The following CNTNAP5 variants were observed in gnomAD, a reference collection of about 807,000 sequenced individuals.
The protein encoded by CNTNAP5 is contactin-associated protein-like 5.
Under a neutral mutation model 150.2 loss-of-function variants are expected in CNTNAP5, and 72 were observed. The ratio of observed to expected loss-of-function variants is 0.48; its 90% confidence interval spans 0.40 to 0.58. The LOEUF is 0.58. Among genes scored for constraint, CNTNAP5 ranks in the 20% least tolerant of loss-of-function variants. CNTNAP5 has a pLI of 0.00. For missense variants in CNTNAP5, 1,636 were observed against 1,626.2 expected, an observed-to-expected ratio of 1.01 and a Z score of -0.10; for synonymous variants, 672 against 619.8, an observed-to-expected ratio of 1.08 and a Z score of -1.25.
At chr2:124,037,334 T>A (rs1450930496) in intron 1 of CNTNAP5, among the ~76,000 whole-genome samples, 1 of 152,214 alleles carries the variant, frequency 6.6e-6, no homozygotes, top group Non-Finnish European at 1.5e-5. Context: ...TAAAGAATAC[T>A]GCAGCCCTAG....
chr2:124,082,772 T>G (rs1187938153), intron 1 of CNTNAP5, among the ~76,000 whole-genome samples: 1 of 152,220 alleles, frequency 6.6e-6, no homozygotes, highest in African/African-American at 2.4e-5. Flanking sequence ...CTACCAGCAA[T>G]GTATGAATGA....
intron 7 of CNTNAP5, among the ~76,000 whole-genome samples, chr2:124,476,057 C>T: frequency 6.6e-6 from 1 of 152,058 alleles, no homozygotes; most frequent in African/African-American, 2.4e-5. Context: ...TTTCTGTAGA[C>T]ATTATATTAT....
chr2:124,355,439 A>T (rs1469607905), intron 3 of CNTNAP5, among the ~76,000 whole-genome samples: 1 of 152,114 alleles, frequency 6.6e-6, no homozygotes, highest in African/African-American at 2.4e-5. Context: ...TGTGGAATGG[A>T]GCAGAGCTGG....
chr2:124,348,835 A>G (rs910921872), intron 3 of CNTNAP5, among the ~76,000 whole-genome samples: 6 of 152,162 alleles, frequency 3.9e-5, no homozygotes, highest in Admixed American at 1.3e-4. Context: ...TTGTGTGTAC[A>G]TGAGTGCATA....
Position 124,154,018 on chromosome 2 carries a change from C to T in CNTNAP5, c.83-67687C>T, listed in dbSNP as rs537244264. On this transcript the variant is annotated intron_variant, in intron 1 of 23. Transcript: ENST00000682447. ...AAGGCTTCATCTCCATATGCCATCCCAGCGGAGATTGGCTTTCAACATATG... is the reference window on the plus strand; with the variant it reads ...AAGGCTTCATCTCCATATGCCATCCTAGCGGAGATTGGCTTTCAACATATG... Among the ~76,000 whole-genome samples, 194 of 152,232 alleles carry T rather than the reference C, an allele frequency of 1.3e-3. 2 individuals are homozygous for T. The highest frequency in any genetic ancestry group is 3.7e-3 in the Admixed American group (56 of 15,282).
chr2:124,762,388 G>C (rs1370889988), intron 14 of CNTNAP5, among the ~76,000 whole-genome samples: 1 of 151,998 alleles, frequency 6.6e-6, no homozygotes, highest in East Asian at 1.9e-4. Flanking sequence ...TCTACATGTG[G>C]TGTGTAATAT....
At chr2:124,299,778 T>C (rs1688530533) in intron 3 of CNTNAP5, among the ~76,000 whole-genome samples, 1 of 152,220 alleles carries the variant, frequency 6.6e-6, no homozygotes, top group Admixed American at 6.5e-5. Flanking sequence ...AATGTATTTC[T>C]CACATTATAA....
At chr2:124,687,660 C>T (rs148847490) in intron 13 of CNTNAP5, among the ~76,000 whole-genome samples, 139 of 152,054 alleles carry the variant, frequency 9.1e-4, no homozygotes, top group African/African-American at 3.0e-3. Flanking sequence ...GAAACTTGTA[C>T]GTGGCAAGTA....
intron 3 of CNTNAP5, among the ~76,000 whole-genome samples, chr2:124,356,321 T>A (rs954749435): frequency 1.6e-4 from 24 of 151,792 alleles, no homozygotes; most frequent in Non-Finnish European, 2.5e-4. Context: ...TTTTTTTTTT[T>A]TATACTTTAG....
chr2:124,540,726 CT>C (rs1178785656), intron 10 of CNTNAP5, among the ~76,000 whole-genome samples: 2 of 152,038 alleles, frequency 1.3e-5, no homozygotes, highest in Non-Finnish European at 2.9e-5. Flanking sequence ...TGTTTGGAAC[CT>C]TTCTGCTGTG....
chr2:124,609,538 G>T (rs1677330542), intron 11 of CNTNAP5, among the ~76,000 whole-genome samples: 1 of 152,080 alleles, frequency 6.6e-6, no homozygotes, highest in South Asian at 2.1e-4. Flanking sequence ...GCTGCAATGT[G>T]CCGTGAGCCG....
Position 124,474,966 on chromosome 2 carries a change from T to C in CNTNAP5, c.1062+84T>C, listed in dbSNP as rs940558914. On this transcript the variant is annotated intron_variant, in intron 7 of 23. Coordinates refer to ENST00000682447, the MANE Select transcript of CNTNAP5 (RefSeq NM_001367498.1). ...TTTCACCAGCCCATTCCTGAACCCA[T>C]TCGTAATGTGTTTATCTTATGCTCT... 5.0e-6 allele frequency: 6 copies of C among 1,195,512 alleles called. No homozygotes were observed. In the East Asian group the frequency reaches 1.6e-4, roughly 31 times the overall value. 74.1% of individuals were successfully genotyped at this position (1,195,512 alleles called of 1,614,324 possible).
intron 1 of CNTNAP5, among the ~76,000 whole-genome samples, chr2:124,159,560 A>C (rs191523109): frequency 6.6e-5 from 10 of 152,320 alleles, no homozygotes; most frequent in Admixed American, 5.2e-4. Context: ...TCACTAACCA[A>C]CTGTGTGACC....
At chr2:124,320,814 C>T (rs1689080999) in intron 3 of CNTNAP5, among the ~76,000 whole-genome samples, 1 of 151,800 alleles carries the variant, frequency 6.6e-6, no homozygotes, top group Non-Finnish European at 1.5e-5. Flanking sequence ...TGTGTGTGAC[C>T]CCTCCAAACA....
intron 10 of CNTNAP5, among the ~76,000 whole-genome samples, chr2:124,552,322 AC>A (rs1282951927): frequency 1.3e-5 from 2 of 151,942 alleles, no homozygotes; most frequent in Non-Finnish European, 2.9e-5. Context: ...ACCCCACTAC[AC>A]CCCTCGTGAG....
At chr2:124,311,943 G>A (rs551259750) in intron 3 of CNTNAP5, among the ~76,000 whole-genome samples, 53 of 152,320 alleles carry the variant, frequency 3.5e-4, no homozygotes, top group South Asian at 1.2e-3. Context: ...GGGTACAAAG[G>A]AAGGGATCAT....
intron 1 of CNTNAP5, among the ~76,000 whole-genome samples, chr2:124,108,234 T>C (rs1212979851): frequency 6.6e-6 from 1 of 152,202 alleles, no homozygotes; most frequent in Non-Finnish European, 1.5e-5. Flanking sequence ...CTTCATATAA[T>C]ATCCTTAATC....
intron 19 of CNTNAP5, among the ~76,000 whole-genome samples, chr2:124,812,506 A>G (rs1272369651): frequency 6.6e-6 from 1 of 152,124 alleles, no homozygotes; most frequent in Non-Finnish European, 1.5e-5. Flanking sequence ...AGGAAAAGTC[A>G]ACTAGCATTT....
chr2:124,592,269 G>A (rs1454908527), intron 11 of CNTNAP5, among the ~76,000 whole-genome samples: 1 of 151,956 alleles, frequency 6.6e-6, no homozygotes, highest in Non-Finnish European at 1.5e-5. Context: ...AAGTTTAAAT[G>A]TATCTGTAAT....
Sources: allele counts gnomAD v4.1 joint callset (sites outside exome capture counted in the v4.1 genomes callset), GRCh38; gene constraint gnomAD v4.1.1; transcripts MANE v1.5; gene names NCBI Gene and HGNC (gene_info 2026-07-23, HGNC 2026-07-21).